SGCZ: variants seen among roughly 807,000 people sequenced by gnomAD.
SGCZ encodes sarcoglycan zeta, also known as zeta-sarcoglycan.
Under a neutral mutation model 41.3 loss-of-function variants are expected in SGCZ, and 40 were observed. The ratio of observed to expected loss-of-function variants is 0.97; its 90% CI spans 0.75 to 1.26. The LOEUF is 1.26. Ranked by LOEUF, SGCZ falls within the 50% of genes most tolerant of loss-of-function variation. SGCZ has a pLI of 0.00. For missense variants in SGCZ, 552 were observed against 369.8 expected (o/e 1.49, Z -4.04); for synonymous variants, 206 against 137.5 (o/e 1.50, Z -3.49).
chr8:14,590,649 A>G (rs1805210352), intron 1 of SGCZ, among the ~76,000 whole-genome samples: 1 of 149,972 alleles, frequency 6.7e-6, no homozygotes, highest in African/African-American at 2.4e-5. Context: ...TAAAATCTTC[A>G]ATCGAGTTGT....
intron 1 of SGCZ, among the ~76,000 whole-genome samples, chr8:14,557,304 G>T (rs577914568): frequency 6.6e-6 from 1 of 151,242 alleles, no homozygotes; most frequent in Non-Finnish European, 1.5e-5. Flanking sequence ...CTTTGTTTGA[G>T]TTCCTAGTAG....
intron 1 of SGCZ, among the ~76,000 whole-genome samples, chr8:14,645,113 A>C (rs543745055): frequency 1.5e-3 from 231 of 151,760 alleles, no homozygotes; most frequent in Middle Eastern, 3.4e-3. Context: ...TTTGAAAACC[A>C]TTGATCTATC....
At chr8:14,292,562 T>C (rs1345869632) in intron 3 of SGCZ, among the ~76,000 whole-genome samples, 1 of 152,060 alleles carries the variant, frequency 6.6e-6, no homozygotes, top group African/African-American at 2.4e-5. Context: ...TGGAAAAGGC[T>C]GCTTTGTGTT....
chr8:14,897,900 C>G (rs9643990), intron 1 of SGCZ, among the ~76,000 whole-genome samples: 30,707 of 152,050 alleles, frequency 0.2, 3,931 homozygotes, highest in East Asian at 0.45. Context: ...ATGTAGAAGG[C>G]ACTATCCAGG....
intron 1 of SGCZ, among the ~76,000 whole-genome samples, chr8:14,772,798 G>T (rs1263527251): frequency 1.3e-5 from 2 of 152,136 alleles, no homozygotes; most frequent in East Asian, 3.9e-4. Context: ...TGGTGTATAT[G>T]TGCCACATTT....
intron 1 of SGCZ, among the ~76,000 whole-genome samples, chr8:14,678,176 A>G (rs1475892133): frequency 6.6e-6 from 1 of 152,254 alleles, no homozygotes; most frequent in Non-Finnish European, 1.5e-5. Context: ...CCATGGAACA[A>G]AGAATTAATA....
At chr8:14,698,979 A>T (rs980897274) in intron 1 of SGCZ, among the ~76,000 whole-genome samples, 1 of 151,866 alleles carries the variant, frequency 6.6e-6, no homozygotes, top group African/African-American at 2.4e-5. Flanking sequence ...TACGAAATAA[A>T]ATACGGTAAT....
intron 4 of SGCZ, among the ~76,000 whole-genome samples, chr8:14,212,092 G>A (rs181348061): frequency 6.6e-6 from 1 of 151,950 alleles, no homozygotes; most frequent in Non-Finnish European, 1.5e-5. Context: ...AAGAGTCCTC[G>A]ATCTTGTAGC....
intron 2 of SGCZ, among the ~76,000 whole-genome samples, chr8:14,404,200 A>G (rs540248794): frequency 1.3e-5 from 2 of 152,338 alleles, no homozygotes; most frequent in African/African-American, 2.4e-5. Context: ...TTGTATCTAT[A>G]TACATTTGTC....
chr8:14,174,633 A>G (rs1585201584), intron 4 of SGCZ, among the ~76,000 whole-genome samples: 1 of 152,116 alleles, frequency 6.6e-6, no homozygotes, highest in African/African-American at 2.4e-5. Context: ...CACTGAGAAA[A>G]TAAAGATAAA....
At chr8:14,261,135 A>G (rs1487959419) in intron 3 of SGCZ, among the ~76,000 whole-genome samples, 1 of 152,204 alleles carries the variant, frequency 6.6e-6, no homozygotes, top group Non-Finnish European at 1.5e-5. Flanking sequence ...CATTTTTGCA[A>G]TATAAAATTT....
chr8:14,965,787 A>C (rs894628046), intron 1 of SGCZ, among the ~76,000 whole-genome samples: 1 of 152,158 alleles, frequency 6.6e-6, no homozygotes, highest in African/African-American at 2.4e-5. Context: ...AAAGAATATA[A>C]ATATCCAATG....
At chr8:14,322,700 T>A (rs1454146372) in intron 3 of SGCZ, among the ~76,000 whole-genome samples, 1 of 152,140 alleles carries the variant, frequency 6.6e-6, no homozygotes, top group Non-Finnish European at 1.5e-5. Context: ...AAGGAGGCAT[T>A]TTCAGAGAAG....
chr8:15,052,429 G>A (rs181865412), intron 1 of SGCZ, among the ~76,000 whole-genome samples: 2 of 152,154 alleles, frequency 1.3e-5, no homozygotes, highest in African/African-American at 2.4e-5. Context: ...GCAAAGGTTA[G>A]GACAGATAAC....
Position 15,097,733 on chromosome 8 carries a change from A to AT in SGCZ, c.39+139851_39+139852insA, listed in dbSNP as rs1554455093. Among the ~76,000 whole-genome samples, 489 of 110,278 alleles carry AT rather than the reference A, an allele frequency of 4.4e-3. 3 individuals carry two copies. Among genetic ancestry groups the AT allele is most frequent in the African/African-American group, 0.014 (392 of 27,588 alleles). The allele number at this position is 110,278 out of a possible 152,430, so 72.3% of individuals were successfully genotyped here. On this transcript the variant is annotated intron_variant, in intron 1 of 7. Transcript: ENST00000382080. ...GACAGAGTGAGAGCTTATAAAAAAA[A>AT]AAATATATATATATATACACGTATA...
At chr8:14,119,093 G>T (rs1337328117) in intron 5 of SGCZ, among the ~76,000 whole-genome samples, 1 of 152,046 alleles carries the variant, frequency 6.6e-6, no homozygotes, top group Non-Finnish European at 1.5e-5. Context: ...TTCTAATTCT[G>T]TGAAGAAAGT....
intron 2 of SGCZ, among the ~76,000 whole-genome samples, chr8:14,427,007 C>T (rs1056402923): frequency 6.7e-6 from 1 of 149,082 alleles, no homozygotes; most frequent in Non-Finnish European, 1.5e-5. Flanking sequence ...GGCTCAGTAG[C>T]CTGTTTGCAG....
intron 4 of SGCZ, among the ~76,000 whole-genome samples, chr8:14,195,288 C>A (rs144881610): frequency 2.0e-5 from 3 of 151,828 alleles, no homozygotes; most frequent in Non-Finnish European, 4.4e-5. Context: ...TACATTGAGA[C>A]GGAGAATACG....
At chr8:14,249,529 C>T (rs1189092766) in intron 3 of SGCZ, among the ~76,000 whole-genome samples, 1 of 152,132 alleles carries the variant, frequency 6.6e-6, no homozygotes, top group Non-Finnish European at 1.5e-5. Context: ...AACAAGGAGA[C>T]CTTGCAAGTA....
Sources: gnomAD v4.1 joint callset for allele counts (sites outside exome capture counted in the v4.1 genomes callset) on GRCh38, gnomAD v4.1.1 for gene constraint, MANE v1.5 for transcripts, NCBI Gene and HGNC (gene_info 2026-07-23, HGNC 2026-07-21) for gene names.